The following LRMDA variants were observed in gnomAD, a reference collection of about 807,000 sequenced individuals.
LRMDA encodes leucine-rich melanocyte differentiation-associated protein.
Under a neutral mutation model 29.8 loss-of-function variants are expected in LRMDA, and 18 were observed. The observed-to-expected ratio is 0.60, with a 90% confidence interval of 0.42 to 0.90. The LOEUF is 0.90. Among genes scored for constraint, LRMDA ranks in the 40% least tolerant of loss-of-function variants. The pLI is 0.00. For missense variants in LRMDA, 273 were observed against 273.9 expected (o/e 1.00, Z 0.02); for synonymous variants, 125 against 109.4 (o/e 1.14, Z -0.89).
At chr10:76,129,234 C>A (rs545983208) in intron 5 of LRMDA, among the ~76,000 whole-genome samples, 47 of 152,152 alleles carry the variant, frequency 3.1e-4, no homozygotes, top group Admixed American at 7.9e-4. Context: ...GCTGATACCC[C>A]CTTCACTTTG....
chr10:75,593,767 C>T (rs1011848567), intron 2 of LRMDA, among the ~76,000 whole-genome samples: 2 of 152,022 alleles, frequency 1.3e-5, no homozygotes, highest in Non-Finnish European at 2.9e-5. Context: ...TGGATCCTGT[C>T]GCCCTTATTT....
chr10:75,570,433 T>C (rs1419615851), intron 2 of LRMDA, among the ~76,000 whole-genome samples: 3 of 152,192 alleles, frequency 2.0e-5, no homozygotes, highest in African/African-American at 7.2e-5. Flanking sequence ...TCTTTTCTTT[T>C]TCTTGGGGTG....
chr10:75,505,426 A>C (rs1041835849), intron 2 of LRMDA, among the ~76,000 whole-genome samples: 3 of 152,158 alleles, frequency 2.0e-5, no homozygotes, highest in Admixed American at 2.0e-4. Context: ...ACATAGTTGT[A>C]GATAATCAGG....
At chr10:75,573,136 T>C (rs759712082) in intron 2 of LRMDA, among the ~76,000 whole-genome samples, 7 of 152,240 alleles carry the variant, frequency 4.6e-5, no homozygotes, top group Non-Finnish European at 8.8e-5. Context: ...TGGAATTTGC[T>C]GTTACTGGTA....
chr10:75,853,735 T>G (rs1844772933), intron 2 of LRMDA, among the ~76,000 whole-genome samples: 2 of 152,338 alleles, frequency 1.3e-5, no homozygotes, highest in Non-Finnish European at 2.9e-5. Context: ...CAGCCGACTC[T>G]GTGATTTCAC....
rs76425590 is a variant in LRMDA at position 75,549,712 on chromosome 10, T to A, written c.131+111218T>A. On this transcript the variant is annotated intron_variant, in intron 2 of 6. Transcript: ENST00000611255. ...GCACAGATGATTTTTGACAAATGCA[T>A]ACAGTCATGTAACCACCATCATCAT... Among the ~76,000 whole-genome samples, 1,185 of 152,312 alleles carry A rather than the reference T, an allele frequency of 7.8e-3. 16 individuals carry two copies. Among genetic ancestry groups the A allele is most frequent in the African/African-American group, 0.028 (1,148 of 41,558 alleles).
chr10:76,190,023 T>C (rs554309644), intron 5 of LRMDA, among the ~76,000 whole-genome samples: 1 of 152,186 alleles, frequency 6.6e-6, no homozygotes, highest in African/African-American at 2.4e-5. Context: ...TGGGACTTGT[T>C]TCTTGTGCTA....
At position 75,692,430 on chromosome 10, in the gene LRMDA, T is replaced by C. The variant is rs373518653; in HGVS notation, c.131+253936T>C. Among the ~76,000 whole-genome samples, 298 of 148,292 alleles carry C rather than the reference T, an allele frequency of 2.0e-3. 2 individuals are homozygous for C. Among genetic ancestry groups the C allele is most frequent in the African/African-American group, 6.3e-3 (257 of 40,474 alleles). ...ATATACACATATATGCATATATATATACACACATACATATATGTATATACA... is the reference window on the plus strand; with the variant it reads ...ATATACACATATATGCATATATATACACACACATACATATATGTATATACA... On this transcript the variant is annotated intron_variant, in intron 2 of 6. Transcript: ENST00000611255.
rs78943760 is a variant in LRMDA, at chr10:75,798,631, G to A, written c.132-237377G>A. Among the ~76,000 whole-genome samples the A allele has an allele frequency of 6.3e-3, 954 of 151,848 alleles. 14 individuals carry two copies. Among genetic ancestry groups the A allele is most frequent in the African/African-American group, 0.021 (886 of 41,410 alleles). ...ATTTTTTCTCTTAACTATAATTTGC[G>A]CTGCATCCATGGATTATGCTATGTT... On this transcript the variant is annotated intron_variant, in intron 2 of 6. Transcript: ENST00000611255.
chr10:75,780,652 A>G (rs1039772979), intron 2 of LRMDA, among the ~76,000 whole-genome samples: 3 of 152,202 alleles, frequency 2.0e-5, no homozygotes, highest in Non-Finnish European at 4.4e-5. Context: ...TGGGGATGAC[A>G]TGCAGGTTCT....
At position 75,906,540 on chromosome 10, in the gene LRMDA, C is replaced by A. The variant is rs976160689; in HGVS notation, c.132-129468C>A. ...TACCATATTAATAGGCTGGGATTAA[C>A]GAAAAAAGCAAACCCAATTAGTTTC... On this transcript the variant is annotated intron_variant, in intron 2 of 6. Transcript: ENST00000611255. Among the ~76,000 whole-genome samples the A allele has an allele frequency of 3.3e-5, 5 of 152,214 alleles. No individual in the cohort carries two copies. The South Asian group carries it at 1.0e-3, about 32-fold the overall frequency.
intron 2 of LRMDA, among the ~76,000 whole-genome samples, chr10:75,818,774 A>C (rs1844104874): frequency 6.6e-6 from 1 of 152,164 alleles, no homozygotes; most frequent in Non-Finnish European, 1.5e-5. Flanking sequence ...CACCCCTGGG[A>C]GGGATCTTTT....
At chr10:75,775,843 A>G (rs1273837730) in intron 2 of LRMDA, among the ~76,000 whole-genome samples, 1 of 152,196 alleles carries the variant, frequency 6.6e-6, no homozygotes. Context: ...TCCAGCGTAG[A>G]GGTAGACCTG....
chr10:76,036,384 G>T (rs1245955235), intron 3 of LRMDA, among the ~76,000 whole-genome samples: 1 of 152,206 alleles, frequency 6.6e-6, no homozygotes, highest in African/African-American at 2.4e-5. Context: ...CTCCATTTTA[G>T]TGTAGAGATC....
chr10:76,506,169 T>A (rs1178561619), intron 6 of LRMDA, among the ~76,000 whole-genome samples: 2 of 152,154 alleles, frequency 1.3e-5, no homozygotes, highest in African/African-American at 4.8e-5. Context: ...CTTACCCAAT[T>A]TTTGGTCTTT....
chr10:76,058,586 C>A, intron 4 of LRMDA, 80 bp from the exon 5 acceptor site: 1 of 1,177,286 alleles, frequency 8.5e-7, no homozygotes. Flanking sequence ...GGTGTGGATT[C>A]TTGAAGATCA....
At chr10:76,548,046 A>G (rs907556918) in intron 6 of LRMDA, among the ~76,000 whole-genome samples, 1 of 152,228 alleles carries the variant, frequency 6.6e-6, no homozygotes, top group Non-Finnish European at 1.5e-5. Flanking sequence ...TGTGAACAGG[A>G]CTGAACAAAT....
chr10:75,576,355 A>T lies in LRMDA; in HGVS notation c.131+137861A>T, dbSNP rs1172296536. 1.3e-5 allele frequency among the ~76,000 whole-genome samples: 2 copies of T among 152,344 alleles called. 1 individual carries two copies. Among genetic ancestry groups the T allele is most frequent in the South Asian group, 4.1e-4 (2 of 4,830 alleles). ...TCTGGGCAGGGCATCTCTCAAAAAA[A>T]GGCAGTAGCCCCAGTCAGGGACTTA... On this transcript the variant is annotated intron_variant, in intron 2 of 6. Transcript: ENST00000611255.
At position 76,411,133 on chromosome 10, in the gene LRMDA, G is replaced by A. The variant is rs190563567; in HGVS notation, c.601+86648G>A. 5.3e-5 allele frequency among the ~76,000 whole-genome samples: 8 copies of A among 152,268 alleles called. No individual in the cohort carries two copies. In the East Asian group the frequency reaches 1.5e-3, roughly 29 times the overall value. On this transcript the variant is annotated intron_variant, in intron 6 of 6. Coordinates refer to ENST00000611255, the MANE Select transcript of LRMDA (RefSeq NM_001305581.2). ...AAATTTTTATGCATAGCTATCTTGA[G>A]TACTATTTTATTAGAAAAGAATAAA...
Sources: allele counts gnomAD v4.1 joint callset (sites outside exome capture counted in the v4.1 genomes callset), GRCh38; gene constraint gnomAD v4.1.1; transcripts MANE v1.5; gene names NCBI Gene and HGNC (gene_info 2026-07-23, HGNC 2026-07-21).